Variants in RBFOX1 observed in about 807,000 individuals in gnomAD.
The protein encoded by RBFOX1 is RNA binding protein fox-1 homolog 1.
A neutral mutation model predicts 57.7 loss-of-function variants in RBFOX1; 8 were observed. The observed-to-expected ratio is 0.14, with a 90% CI of 0.08 to 0.25. The LOEUF is 0.25. Among genes scored for constraint, RBFOX1 ranks in the 10% least tolerant of loss-of-function variants. The pLI, the probability that RBFOX1 is intolerant of heterozygous loss-of-function variation, is 1.00. For missense variants in RBFOX1, 611 were observed against 548.5 expected (o/e 1.11, Z -1.14); for synonymous variants, 326 against 222.4 (o/e 1.47, Z -4.15).
chr16:6,807,058 T>A (rs2087018854), intron 3 of RBFOX1, among the ~76,000 whole-genome samples: 1 of 151,760 alleles, frequency 6.6e-6, no homozygotes, highest in Non-Finnish European at 1.5e-5. Flanking sequence ...GGTCTTGAAC[T>A]CCTGACCTCA....
chr16:6,990,703 G>T (rs150051677), intron 3 of RBFOX1, among the ~76,000 whole-genome samples: 1 of 152,088 alleles, frequency 6.6e-6, no homozygotes, highest in African/African-American at 2.4e-5. Context: ...CCTAATAGTT[G>T]TGAATGTGAG....
chr16:6,483,382 C>G (rs981240316), intron 2 of RBFOX1: 5 of 1,525,700 alleles, frequency 3.3e-6, no homozygotes, highest in East Asian at 2.5e-5. Context: ...GCGGCGCGCA[C>G]GACAGATGAC....
At chr16:5,529,500 A>G (rs1042770587) in intron 2 of RBFOX1, among the ~76,000 whole-genome samples, 18 of 150,424 alleles carry the variant, frequency 1.2e-4, no homozygotes, top group African/African-American at 3.4e-4. Flanking sequence ...AGGTTCAAGC[A>G]ATTCTCCTGC....
chr16:7,321,365 T>G (rs1243572096), intron 4 of RBFOX1, among the ~76,000 whole-genome samples: 2 of 152,178 alleles, frequency 1.3e-5, no homozygotes, highest in South Asian at 2.1e-4. Context: ...AGGCTGTTCT[T>G]GAACTCCTGA....
chr16:5,375,387 A>AC (rs1466384848), intron 1 of RBFOX1, among the ~76,000 whole-genome samples: 1 of 152,168 alleles, frequency 6.6e-6, no homozygotes, highest in Non-Finnish European at 1.5e-5. Context: ...AGGGGCATGG[A>AC]GACTGAATCT....
At position 7,712,233 on chromosome 16, in the gene RBFOX1, A is replaced by G. The variant is rs1368432941; in HGVS notation, c.*1488A>G. The G allele has an allele frequency of 6.6e-6, 1 of 152,618 alleles. No individual in the cohort carries two copies. The highest frequency in any genetic ancestry group is 1.5e-5 in the Non-Finnish European group (1 of 68,062). The allele number at this position is 152,618 out of a possible 1,614,324, so 9.5% of individuals were successfully genotyped here. On this transcript the variant is annotated 3_prime_UTR_variant, in exon 16 of 16. Transcript: ENST00000550418. ...TCCTGTTTTGTATTTAAATAAAAAC[A>G]ACAGCAGCAGGCTGTCCCTGAGTAG...
intron 1 of RBFOX1, among the ~76,000 whole-genome samples, chr16:6,098,582 T>G (rs368127723): frequency 1.3e-5 from 2 of 152,248 alleles, no homozygotes; most frequent in East Asian, 3.8e-4. Context: ...AAACCCTGCT[T>G]CAGTCTTTTG....
chr16:6,586,171 C>T (rs141608787), intron 2 of RBFOX1, among the ~76,000 whole-genome samples: 26 of 152,264 alleles, frequency 1.7e-4, no homozygotes, highest in African/African-American at 5.8e-4. Flanking sequence ...AGAAGGCAGC[C>T]GTAGGCAGTT....
At position 7,579,938 on chromosome 16, in the gene RBFOX1, T is replaced by G. The variant is rs2093622995; in HGVS notation, c.414+18T>G. ...TGTTTGGTGTAAGTATCACCTTTCTTCCCAGCAGTGCCCGCTCTGGGGGTT... is the reference window on the plus strand; with the variant it reads ...TGTTTGGTGTAAGTATCACCTTTCTGCCCAGCAGTGCCCGCTCTGGGGGTT... On this transcript the variant is annotated intron_variant, in intron 6 of 15. Coordinates refer to ENST00000550418, the MANE Select transcript of RBFOX1 (RefSeq NM_018723.4). 1.9e-6 allele frequency: 3 copies of G among 1,613,128 alleles called. No homozygotes were observed. In the East Asian group the frequency reaches 6.7e-5, roughly 36 times the overall value.
chr16:7,133,587 G>T (rs1018298943), intron 4 of RBFOX1, among the ~76,000 whole-genome samples: 1 of 152,134 alleles, frequency 6.6e-6, no homozygotes, highest in Non-Finnish European at 1.5e-5. Flanking sequence ...ATACACACAT[G>T]ATTAATACCA....
chr16:5,707,992 G>A (rs770514832), intron 3 of RBFOX1, among the ~76,000 whole-genome samples: 2 of 152,062 alleles, frequency 1.3e-5, no homozygotes, highest in African/African-American at 2.4e-5. Context: ...GTGAAATTTG[G>A]CAGTGTATTC....
intron 2 of RBFOX1, among the ~76,000 whole-genome samples, chr16:5,527,559 G>C (rs2044294769): frequency 6.6e-6 from 1 of 152,120 alleles, no homozygotes; most frequent in Admixed American, 6.5e-5. Context: ...GAATATGTAG[G>C]GGCTTGTTTG....
rs545687740 is a variant in RBFOX1 at position 7,017,266 on chromosome 16, A to T, written c.-15-34791A>T. Among the ~76,000 whole-genome samples, 11 of 152,334 alleles carry T rather than the reference A, an allele frequency of 7.2e-5. No individual in the cohort carries two copies. The South Asian group carries it at 2.3e-3, about 32-fold the overall frequency. ...GTGCAGCCTCGGCTGTGCTCTGCCAAGGCCCAAGTATAGAATGATGGCAAA... is the reference window on the plus strand; with the variant it reads ...GTGCAGCCTCGGCTGTGCTCTGCCATGGCCCAAGTATAGAATGATGGCAAA... On this transcript the variant is annotated intron_variant, in intron 3 of 15. Coordinates refer to ENST00000550418, the MANE Select transcript of RBFOX1 (RefSeq NM_018723.4).
At chr16:5,325,199 C>G (rs2064533467) in intron 1 of RBFOX1, among the ~76,000 whole-genome samples, 1 of 152,104 alleles carries the variant, frequency 6.6e-6, no homozygotes, top group Admixed American at 6.6e-5. Context: ...TTCCTCTTTT[C>G]TCTCTTCCCC....
chr16:6,407,940 T>G (rs766626548), intron 2 of RBFOX1, among the ~76,000 whole-genome samples: 1 of 152,160 alleles, frequency 6.6e-6, no homozygotes, highest in Non-Finnish European at 1.5e-5. Context: ...ACAATAGTAT[T>G]AAGAGCTGGA....
At chr16:6,623,098 T>G (rs2098256640) in intron 2 of RBFOX1, among the ~76,000 whole-genome samples, 3 of 152,200 alleles carry the variant, frequency 2.0e-5, no homozygotes, top group African/African-American at 7.2e-5. Flanking sequence ...TCCCTTGAAG[T>G]ATTATGGAAA....
intron 2 of RBFOX1, among the ~76,000 whole-genome samples, chr16:6,600,189 A>G (rs2097834169): frequency 6.6e-6 from 1 of 152,122 alleles, no homozygotes; most frequent in Admixed American, 6.6e-5. Context: ...TGTCTTCTCA[A>G]AGACACATTT....
rs559323050 is a variant in RBFOX1 at position 6,405,315 on chromosome 16, G to A, written c.-64+88258G>A. On this transcript the variant is annotated intron_variant, in intron 2 of 15. Coordinates refer to ENST00000550418, the MANE Select transcript of RBFOX1 (RefSeq NM_018723.4). Reference sequence around the variant, plus strand: ...AGACTCAATTAGTCATGACAAGTTAGGTTATGCTGCAGTAACAAGTTGGCT... The same window carrying A: ...AGACTCAATTAGTCATGACAAGTTAAGTTATGCTGCAGTAACAAGTTGGCT... 8.0e-4 allele frequency among the ~76,000 whole-genome samples: 122 copies of A among 152,276 alleles called. 2 individuals are homozygous for A. Among genetic ancestry groups the A allele is most frequent in the Non-Finnish European group, 1.3e-3 (87 of 68,020 alleles).
At chr16:6,201,419 C>A (rs907730294) in intron 1 of RBFOX1, among the ~76,000 whole-genome samples, 1 of 152,126 alleles carries the variant, frequency 6.6e-6, no homozygotes, top group African/African-American at 2.4e-5. Flanking sequence ...GCATTCTCAA[C>A]AACAGCGTAT....
Sources: allele counts gnomAD v4.1 joint callset (sites outside exome capture counted in the v4.1 genomes callset), GRCh38; gene constraint gnomAD v4.1.1; transcripts MANE v1.5; gene names NCBI Gene and HGNC (gene_info 2026-07-23, HGNC 2026-07-21).